The following DENND2B variants were observed in gnomAD, a reference collection of about 807,000 sequenced individuals.
DENND2B encodes DENN domain-containing protein 2B.
A neutral mutation model predicts 116.0 loss-of-function variants in DENND2B; 32 were observed. The ratio of observed to expected loss-of-function variants is 0.28; its 90% CI spans 0.21 to 0.37. DENND2B has a LOEUF of 0.37. Ranked by LOEUF, DENND2B falls within the 10% of genes least tolerant of loss-of-function variation. DENND2B has a pLI of 1.00. For synonymous variants in DENND2B, 588 were observed against 583.9 expected, an observed-to-expected ratio of 1.01 and a Z score of -0.10; for missense variants, 1,276 against 1,477.7, an observed-to-expected ratio of 0.86 and a Z score of 2.24.
intron 1 of DENND2B, among the ~76,000 whole-genome samples, chr11:8,751,562 A>G (rs1035551716): frequency 4.4e-4 from 67 of 151,824 alleles, no homozygotes; most frequent in African/African-American, 1.5e-3. Context: ...CAGCGAGACC[A>G]CGAACCTACC....
At position 8,832,102 on chromosome 11, in the gene DENND2B, C is replaced by A. The variant is rs143749399; in HGVS notation, c.-115+7208G>T. On this transcript the variant is annotated intron_variant, in intron 4 of 6. Coordinates refer to the DENND2B transcript ENST00000524757. ...CGACTGTCTCTCCTCCTACCCCTCA[C>A]CCCCGCCTTCCAGAGTGACAGCGAG... is the stretch of plus-strand genomic sequence containing the variant. Among the ~76,000 whole-genome samples, 475 of 152,256 alleles carry A rather than the reference C, an allele frequency of 3.1e-3. 6 individuals carry two copies. Among genetic ancestry groups the A allele is most frequent in the African/African-American group, 0.011 (459 of 41,538 alleles).
At chr11:8,897,211 T>A (rs541905199) in intron 1 of DENND2B, among the ~76,000 whole-genome samples, 3 of 152,236 alleles carry the variant, frequency 2.0e-5, no homozygotes, top group African/African-American at 7.2e-5. Context: ...AAGCAGAGAT[T>A]GCGCCACTGC....
Position 8,729,931 on chromosome 11 carries a change from C to A in DENND2B, c.1340+19G>T. On this transcript the variant is annotated intron_variant, in intron 3 of 19. Transcript: ENST00000313726. ...AGCCACGGTATTCAGCTACAACACA[C>A]CGGAGGGGCATGCATTACCTGCTCT... 6.2e-7 allele frequency: 1 copy of A among 1,611,902 alleles called. No individual in the cohort carries two copies. Among genetic ancestry groups the A allele is most frequent in the Non-Finnish European group, 8.5e-7 (1 of 1,178,862 alleles).
At chr11:8,822,443 T>G (rs943236286) in intron 4 of DENND2B, among the ~76,000 whole-genome samples, 22 of 152,332 alleles carry the variant, frequency 1.4e-4, no homozygotes, top group Middle Eastern at 3.4e-3. Context: ...TACATTAGAT[T>G]CCCAGGATTT....
At chr11:8,809,255 G>A (rs995068768) in intron 1 of DENND2B, 1 of 152,218 alleles carries the variant, frequency 6.6e-6, no homozygotes, top group Non-Finnish European at 1.5e-5. Context: ...CGGAACTGGG[G>A]ACATGGCCAG....
intron 18 of DENND2B, among the ~76,000 whole-genome samples, 161 bp downstream of exon 18, chr11:8,696,266 C>T (rs2040341025): frequency 6.6e-6 from 1 of 152,104 alleles, no homozygotes; most frequent in South Asian, 2.1e-4. Context: ...TTTACTGGGG[C>T]CGGAGGAGAA....
At position 8,736,215 on chromosome 11, in the gene DENND2B, T is replaced by C. The variant is rs551363559; in HGVS notation, c.81-5006A>G. ...CTCTCCATCCATTCAACCAGATATA[T>C]TGAGCACCAAGTCTATTCCAGGCAC... On this transcript the variant is annotated intron_variant, in intron 2 of 19. Coordinates refer to ENST00000313726, the MANE Select transcript of DENND2B (RefSeq NM_213618.2). Among the ~76,000 whole-genome samples, 20 of 152,242 alleles carry C rather than the reference T, an allele frequency of 1.3e-4. No individual in the cohort carries two copies. The South Asian group carries it at 1.9e-3, about 14-fold the overall frequency.
intron 1 of DENND2B, among the ~76,000 whole-genome samples, chr11:8,901,229 C>CTTTTCTTTTCT (rs781408078): frequency 0.24 from 20,562 of 84,228 alleles, 4,063 homozygotes; most frequent in Non-Finnish European, 0.34. Context: ...CTTTTCTTTT[C>CTTTTCTTTTCT]TTTTTTTTTT....
chr11:8,699,151 A>G, intron 15 of DENND2B, 62 bp downstream of exon 15: 2 of 1,521,078 alleles, frequency 1.3e-6, no homozygotes, highest in Non-Finnish European at 1.8e-6. Context: ...GGCCACAAGT[A>G]AGATCCCAGC....
intron 1 of DENND2B, among the ~76,000 whole-genome samples, chr11:8,882,459 T>C (rs1282790036): frequency 6.6e-6 from 1 of 152,216 alleles, no homozygotes; most frequent in Non-Finnish European, 1.5e-5. Context: ...ATTGTGAGCC[T>C]CTTGAAAGCA....
At chr11:8,770,598 A>T (rs1011707482) in intron 1 of DENND2B, among the ~76,000 whole-genome samples, 1 of 152,190 alleles carries the variant, frequency 6.6e-6, no homozygotes, top group East Asian at 1.9e-4. Flanking sequence ...CTCAGAAAAT[A>T]GTTTCATCTC....
Position 8,754,962 on chromosome 11 carries a change from C to T in DENND2B, c.-25-4237G>A, listed in dbSNP as rs936436860. On this transcript the variant is annotated intron_variant, in intron 1 of 19. Transcript: ENST00000313726. ...TTAGATAGTGGTAATGGTTGTACAA[C>T]TCTTGTGAATATATTAGAAATCATT... Among the ~76,000 whole-genome samples the T allele has an allele frequency of 1.9e-4, 29 of 152,188 alleles. 1 individual carries two copies. The highest frequency in any genetic ancestry group is 6.8e-4 in the African/African-American group (28 of 41,430).
chr11:8,839,591 C>CA (rs1291559917), intron 3 of DENND2B, among the ~76,000 whole-genome samples: 1 of 152,124 alleles, frequency 6.6e-6, no homozygotes, highest in Non-Finnish European at 1.5e-5. Context: ...GTGACCACAC[C>CA]AGCAAACTGG....
At chr11:8,723,010 T>C (rs543493567) in intron 4 of DENND2B, among the ~76,000 whole-genome samples, 2 of 152,290 alleles carry the variant, frequency 1.3e-5, no homozygotes, top group East Asian at 3.9e-4. Flanking sequence ...ATATTTTTTT[T>C]AACTCCTCAT....
intron 3 of DENND2B, among the ~76,000 whole-genome samples, chr11:8,839,725 A>G (rs1182879196): frequency 6.6e-6 from 1 of 152,150 alleles, no homozygotes; most frequent in Non-Finnish European, 1.5e-5. Context: ...ATTCTACTCA[A>G]AGTGCCAGGA....
intron 3 of DENND2B, among the ~76,000 whole-genome samples, chr11:8,856,033 A>G (rs966961177): frequency 1.3e-5 from 2 of 152,250 alleles, no homozygotes; most frequent in African/African-American, 4.8e-5. Flanking sequence ...ACACATAAAC[A>G]TTCAACAACT....
chr11:8,860,717 A>G (rs746226476), intron 2 of DENND2B, among the ~76,000 whole-genome samples: 4 of 152,204 alleles, frequency 2.6e-5, no homozygotes, highest in Non-Finnish European at 4.4e-5. Flanking sequence ...TGGAACCAAA[A>G]AGGAGCCCAA....
At chr11:8,804,583 C>T (rs1202719387) in intron 1 of DENND2B, among the ~76,000 whole-genome samples, 3 of 131,046 alleles carry the variant, frequency 2.3e-5, no homozygotes, top group Non-Finnish European at 4.7e-5. Context: ...CTTGCTCTGT[C>T]GCCCAGGCTG....
At chr11:8,837,901 TC>T (rs1397336569) in intron 4 of DENND2B, among the ~76,000 whole-genome samples, 3 of 152,144 alleles carry the variant, frequency 2.0e-5, no homozygotes, top group Non-Finnish European at 4.4e-5. Flanking sequence ...TTTCAAATAT[TC>T]CTGAGTTTAT....
Sources: gnomAD v4.1 joint callset for allele counts (sites outside exome capture counted in the v4.1 genomes callset) on GRCh38, gnomAD v4.1.1 for gene constraint, MANE v1.5 for transcripts, NCBI Gene and HGNC (gene_info 2026-07-23, HGNC 2026-07-21) for gene names.